Variants in WNT3A observed in about 807,000 individuals in gnomAD.
WNT3A encodes protein Wnt-3a.
In WNT3A, 17 loss-of-function variants were observed where a neutral mutation model predicts 37.0. That is an observed-to-expected ratio of 0.46 (90% CI 0.31 to 0.69). WNT3A has a LOEUF of 0.69. WNT3A is among the 30% of genes least tolerant of loss of function. The pLI is 0.05. For synonymous variants in WNT3A, 187 were observed against 211.0 expected (o/e 0.89, Z 0.99); for missense variants, 411 against 510.2 (o/e 0.81, Z 1.87).
At chr1:228,020,354 C>T (rs2030668153) in intron 1 of WNT3A, among the ~76,000 whole-genome samples, 1 of 152,252 alleles carries the variant, frequency 6.6e-6, no homozygotes, top group Non-Finnish European at 1.5e-5. Flanking sequence ...GTTTGAAAAC[C>T]ACGAGTCCAG....
intron 1 of WNT3A, among the ~76,000 whole-genome samples, chr1:228,010,004 C>T (rs2030323414): frequency 6.6e-6 from 1 of 152,224 alleles, no homozygotes; most frequent in Non-Finnish European, 1.5e-5. Flanking sequence ...AGAGAGGAGA[C>T]AGGCAGGAGA....
chr1:228,047,685 T>C (rs1490150799), intron 2 of WNT3A, among the ~76,000 whole-genome samples: 1 of 152,188 alleles, frequency 6.6e-6, no homozygotes, highest in Non-Finnish European at 1.5e-5. Context: ...TTCTGCAGGC[T>C]GCACAGGAAG....
Position 228,035,016 on chromosome 1 carries a change from C to T in WNT3A, c.313+12108C>T, listed in dbSNP as rs141121691. 3.4e-4 allele frequency among the ~76,000 whole-genome samples: 52 copies of T among 152,220 alleles called. 1 individual carries two copies. The highest frequency in any genetic ancestry group is 6.8e-3 in the Middle Eastern group (2 of 294). ...TACATGTGGCGCAAATGTACACAGT[C>T]GGTCCCCTGGGAAAGCACAGAGATG... On this transcript the variant is annotated intron_variant, in intron 2 of 3. Coordinates refer to ENST00000284523, the MANE Select transcript of WNT3A (RefSeq NM_033131.4).
chr1:228,022,954 A>G (rs2030757119), intron 2 of WNT3A, 46 bp downstream of exon 2: 6 of 1,563,244 alleles, frequency 3.8e-6, no homozygotes, highest in Non-Finnish European at 5.2e-6. Flanking sequence ...GGAGTGGGAC[A>G]GAGTCTCCCG....
At chr1:228,015,983 C>T (rs1038376612) in intron 1 of WNT3A, among the ~76,000 whole-genome samples, 1 of 152,234 alleles carries the variant, frequency 6.6e-6, no homozygotes, top group East Asian at 1.9e-4. Context: ...GCAGGAGCCA[C>T]GGACTGACAG....
chr1:228,045,970 G>A (rs557683206), intron 2 of WNT3A, among the ~76,000 whole-genome samples: 1 of 152,374 alleles, frequency 6.6e-6, no homozygotes, highest in Non-Finnish European at 1.5e-5. Flanking sequence ...CCGCGGCTAG[G>A]GAGGGAGTCA....
chr1:228,053,136 C>T (rs1402204233), intron 3 of WNT3A, among the ~76,000 whole-genome samples: 10 of 152,192 alleles, frequency 6.6e-5, no homozygotes, highest in African/African-American at 1.9e-4. Context: ...AGGGTGCCCT[C>T]TTGGAAGCAG....
In WNT3A at chr1:228,060,545, C is replaced by T. The variant is rs2031782972; in HGVS notation, c.*1080C>T. ...ACTTCGCAGAGGCAAGCGACCGAGG[C>T]CCTCCCAAAGAGGCCCGCCCTGCCC... On this transcript the variant is annotated 3_prime_UTR_variant, in exon 4 of 4. Coordinates refer to ENST00000284523, the MANE Select transcript of WNT3A (RefSeq NM_033131.4). The T allele has an allele frequency of 1.1e-5, 3 of 273,232 alleles. No homozygotes were observed. The highest frequency in any genetic ancestry group is 7.0e-5 in the South Asian group (2 of 28,576). 16.9% of individuals were successfully genotyped at this position (273,232 alleles called of 1,614,324 possible).
intron 2 of WNT3A, among the ~76,000 whole-genome samples, chr1:228,030,174 C>T (rs530605347): frequency 1.6e-4 from 25 of 151,928 alleles, no homozygotes; most frequent in Admixed American, 2.6e-4. Context: ...GCGGGCAGAT[C>T]ACTTGAGGTC....
chr1:228,023,853 C>A (rs1357799435), intron 2 of WNT3A, among the ~76,000 whole-genome samples: 1 of 152,224 alleles, frequency 6.6e-6, no homozygotes, highest in Admixed American at 6.5e-5. Flanking sequence ...CCCTGGCACC[C>A]ACCCGCCTGC....
At chr1:228,045,740 T>G (rs573864802) in intron 2 of WNT3A, among the ~76,000 whole-genome samples, 1 of 152,156 alleles carries the variant, frequency 6.6e-6, no homozygotes, top group Non-Finnish European at 1.5e-5. Context: ...GCTGCCTAGC[T>G]GCTCCCTGGG....
In WNT3A at chr1:228,060,134, G is replaced by A; in HGVS notation, c.*669G>A. On this transcript the variant is annotated 3_prime_UTR_variant, in exon 4 of 4. Transcript: ENST00000284523. The stretch of plus-strand genomic sequence containing the variant: ...TCTGGGACCAGGCTCCAATGGGGCG[G>A]GGCTTCTCTCCGCGGGTGGGACTCT... 1.5e-6 allele frequency: 2 copies of A among 1,338,606 alleles called. No individual in the cohort carries two copies. The highest frequency in any genetic ancestry group is 2.0e-6 in the Non-Finnish European group (2 of 1,014,008). 82.9% of individuals were successfully genotyped at this position (1,338,606 alleles called of 1,614,324 possible).
intron 2 of WNT3A, among the ~76,000 whole-genome samples, chr1:228,025,134 T>C (rs1478805776): frequency 6.6e-6 from 1 of 152,124 alleles, no homozygotes; most frequent in African/African-American, 2.4e-5. Flanking sequence ...AAAAAGATTG[T>C]TTTGGCTATT....
In WNT3A at chr1:228,038,722, A is replaced by T. The variant is rs1345379730; in HGVS notation, c.314-11934A>T. Among the ~76,000 whole-genome samples, 2 of 152,152 alleles carry T rather than the reference A, an allele frequency of 1.3e-5. No individual in the cohort carries two copies. The highest frequency in any genetic ancestry group is 4.8e-5 in the African/African-American group (2 of 41,438). Reference sequence around the variant, plus strand: ...GGGGTGTGGTAATCATACAGGGTGCAGCGTGCACGGGGGGCTGTGTTCGCT... The same window carrying T: ...GGGGTGTGGTAATCATACAGGGTGCTGCGTGCACGGGGGGCTGTGTTCGCT... On this transcript the variant is annotated intron_variant, in intron 2 of 3. Transcript: ENST00000284523. This position sits in a 1 kb window ranked among gnomAD's most constrained non-coding sequence, Gnocchi z 5.7.
rs1208650589 is a variant in WNT3A at position 228,042,863 on chromosome 1, G to A, written c.314-7793G>A. Reference sequence around the variant, plus strand: ...GGATGACAGATGATGGGTGATGGGTGGATGGATAGATGGGTGGTGGATGGT... The same window carrying A: ...GGATGACAGATGATGGGTGATGGGTAGATGGATAGATGGGTGGTGGATGGT... On this transcript the variant is annotated intron_variant, in intron 2 of 3. Transcript: ENST00000284523. The surrounding 1 kb of genome is among the most constrained non-coding windows in gnomAD (Gnocchi z 5.2). Among the ~76,000 whole-genome samples, 3 of 151,632 alleles carry A rather than the reference G, an allele frequency of 2.0e-5. No homozygotes were observed. The highest frequency in any genetic ancestry group is 7.3e-5 in the African/African-American group (3 of 41,258).
rs560431242 is a variant in WNT3A, at chr1:228,054,884, G to A, written c.579+3963G>A. ...AAAAATTATATAATAGGCTGGGCAC[G>A]GTGGCTCGCACCTGTGATCCCAGCA... On this transcript the variant is annotated intron_variant, in intron 3 of 3. Coordinates refer to ENST00000284523, the MANE Select transcript of WNT3A (RefSeq NM_033131.4). Among the ~76,000 whole-genome samples, 6 of 151,074 alleles carry A rather than the reference G, an allele frequency of 4.0e-5. No individual in the cohort carries two copies. The East Asian group carries it at 5.9e-4, about 15-fold the overall frequency.
intron 3 of WNT3A, among the ~76,000 whole-genome samples, chr1:228,058,255 G>A (rs1388921450): frequency 6.6e-6 from 1 of 152,206 alleles, no homozygotes; most frequent in East Asian, 1.9e-4. Context: ...GGCACGTATA[G>A]CATTTCTGAA....
chr1:228,009,900 G>A (rs866329244), intron 1 of WNT3A, among the ~76,000 whole-genome samples: 2 of 152,140 alleles, frequency 1.3e-5, no homozygotes, highest in East Asian at 1.9e-4. Context: ...GGCTGAGCGG[G>A]TCTGAAATGC....
At chr1:228,030,121 G>T (rs563809972) in intron 2 of WNT3A, among the ~76,000 whole-genome samples, 1 of 151,840 alleles carries the variant, frequency 6.6e-6, no homozygotes, top group South Asian at 2.1e-4. Context: ...TAGGCCAGGC[G>T]TGGTGGCTCA....
Sources: allele counts gnomAD v4.1 joint callset (sites outside exome capture counted in the v4.1 genomes callset), GRCh38; gene constraint gnomAD v4.1.1; non-coding constraint Gnocchi (gnomAD v3.1); transcripts MANE v1.5; gene names NCBI Gene and HGNC (gene_info 2026-07-23, HGNC 2026-07-21).